The following PTPRN2 variants were observed in gnomAD, a reference collection of about 807,000 sequenced individuals.
PTPRN2 encodes protein tyrosine phosphatase receptor type N2.
In PTPRN2, 74 loss-of-function variants were observed where a neutral mutation model predicts 118.8. That is an observed-to-expected ratio of 0.62 (90% CI 0.52 to 0.76). The LOEUF (loss-of-function observed/expected upper bound fraction) is 0.76. Ranked by LOEUF, PTPRN2 falls within the 30% of genes least tolerant of loss-of-function variation. PTPRN2 has a pLI of 0.00. For missense variants in PTPRN2, 1,481 were observed against 1,394.4 expected (o/e 1.06, Z -0.99); for synonymous variants, 641 against 608.0 (o/e 1.05, Z -0.80).
At chr7:158,347,449 T>C (rs1563186035) in intron 2 of PTPRN2, among the ~76,000 whole-genome samples, 1 of 152,346 alleles carries the variant, frequency 6.6e-6, no homozygotes, top group East Asian at 1.9e-4. Context: ...GTTCCATTAG[T>C]TGATGTGTCT....
rs541432617 is a variant in PTPRN2, at chr7:158,557,628, C to T, written c.112+29930G>A. ...CTGAGAACAGGCCCCTCCTGGCCTA[C>T]GCTTTCTCATCATGTAGCTGTATTT... On this transcript the variant is annotated intron_variant, in intron 1 of 22. Coordinates refer to ENST00000389418, the MANE Select transcript of PTPRN2 (RefSeq NM_002847.5). Among the ~76,000 whole-genome samples the T allele has an allele frequency of 4.9e-4, 74 of 152,356 alleles. 1 individual carries two copies. Among genetic ancestry groups the T allele is most frequent in the Middle Eastern group, 6.8e-3 (2 of 294 alleles).
chr7:158,214,397 T>TACAC (rs144370539), intron 3 of PTPRN2, among the ~76,000 whole-genome samples: 23,473 of 145,648 alleles, frequency 0.16, 2,002 homozygotes, highest in Middle Eastern at 0.23. Flanking sequence ...CACCAGCGTG[T>TACAC]ACACACACAC....
intron 2 of PTPRN2, among the ~76,000 whole-genome samples, chr7:158,408,652 C>T (rs1813782218): frequency 6.6e-6 from 1 of 152,146 alleles, no homozygotes; most frequent in African/African-American, 2.4e-5. Context: ...AGGTAAATTG[C>T]ATAATATAAA....
Position 158,574,464 on chromosome 7 carries a change from G to A in PTPRN2, c.112+13094C>T, listed in dbSNP as rs1193205415. ...GGTAAATAAATGCACATTTCTGTTG[G>A]TGGCGCCATCAGACACTGAGACACT... On this transcript the variant is annotated intron_variant, in intron 1 of 22. Transcript: ENST00000389418. The surrounding 1 kb of genome is among the most constrained non-coding windows in gnomAD (Gnocchi z 4.6). Among the ~76,000 whole-genome samples, 1 of 152,110 alleles carries A rather than the reference G, an allele frequency of 6.6e-6. No homozygotes were observed. The highest frequency in any genetic ancestry group is 1.5e-5 in the Non-Finnish European group (1 of 68,038).
chr7:158,402,709 C>A (rs1813043782), intron 2 of PTPRN2, among the ~76,000 whole-genome samples: 1 of 152,198 alleles, frequency 6.6e-6, no homozygotes, highest in African/African-American at 2.4e-5. Flanking sequence ...AGCTGTCGTG[C>A]CTGCTCTCCG....
At chr7:158,162,851 C>G (rs578233950) in intron 6 of PTPRN2, among the ~76,000 whole-genome samples, 1 of 152,184 alleles carries the variant, frequency 6.6e-6, no homozygotes, top group South Asian at 2.1e-4. Flanking sequence ...GGAGCAGGTA[C>G]GCGTGGGTCT....
chr7:158,450,835 C>T (rs1027980779), intron 2 of PTPRN2, among the ~76,000 whole-genome samples: 1 of 152,230 alleles, frequency 6.6e-6, no homozygotes, highest in Non-Finnish European at 1.5e-5. Flanking sequence ...CCTGACCAGG[C>T]GTACGTGTGC....
intron 4 of PTPRN2, among the ~76,000 whole-genome samples, chr7:158,204,337 T>A (rs1826952984): frequency 6.6e-6 from 1 of 152,228 alleles, no homozygotes; most frequent in Admixed American, 6.5e-5. Context: ...TGGGGGACGG[T>A]TACCAGTTCT....
intron 22 of PTPRN2, among the ~76,000 whole-genome samples, chr7:157,544,939 C>T (rs1052824043): frequency 7.8e-6 from 1 of 128,268 alleles, no homozygotes; most frequent in Non-Finnish European, 1.7e-5. Flanking sequence ...TGGGTGTGTA[C>T]AGGTGGGTGT....
intron 3 of PTPRN2, among the ~76,000 whole-genome samples, chr7:158,274,481 C>T (rs1467920473): frequency 2.7e-5 from 3 of 113,086 alleles, no homozygotes; most frequent in South Asian, 2.8e-4. Flanking sequence ...AGGAGACACA[C>T]GAGGAGCCGC....
chr7:158,171,929 T>C (rs1448053579), intron 5 of PTPRN2, among the ~76,000 whole-genome samples: 1 of 152,200 alleles, frequency 6.6e-6, no homozygotes, highest in Non-Finnish European at 1.5e-5. Flanking sequence ...GTACAGGCGA[T>C]GGACATTCCT....
intron 12 of PTPRN2, among the ~76,000 whole-genome samples, chr7:157,805,154 G>C (rs1447931074): frequency 6.6e-6 from 1 of 152,196 alleles, no homozygotes; most frequent in Non-Finnish European, 1.5e-5. Context: ...GCAAATTCCA[G>C]TAAGCATTAA....
intron 12 of PTPRN2, among the ~76,000 whole-genome samples, chr7:157,821,865 G>T (rs1806862233): frequency 6.6e-6 from 1 of 152,100 alleles, no homozygotes; most frequent in Admixed American, 6.5e-5. Context: ...GACTAAGGGG[G>T]AGGAGGGACA....
chr7:158,500,142 G>A (rs550365777), intron 1 of PTPRN2, among the ~76,000 whole-genome samples: 14 of 151,612 alleles, frequency 9.2e-5, no homozygotes, highest in Middle Eastern at 3.4e-3. Context: ...AACACCACTC[G>A]CATTGTGGGT....
At chr7:158,318,404 G>A (rs147583961) in intron 2 of PTPRN2, among the ~76,000 whole-genome samples, 227 of 152,296 alleles carry the variant, frequency 1.5e-3, no homozygotes, top group African/African-American at 5.3e-3. Context: ...ACGTCGAGAC[G>A]GCCCAGCTCC....
rs147109445 is a variant in PTPRN2 at position 158,081,192 on chromosome 7, G to A, written c.1723+106C>T. 3.8e-4 allele frequency: 438 copies of A among 1,151,966 alleles called. 1 individual carries two copies. In the East Asian group the frequency reaches 8.7e-3, roughly 23 times the overall value. The allele number at this position is 1,151,966 out of a possible 1,614,324, so 71.4% of individuals were successfully genotyped here. A position where few individuals can be genotyped will look rare whatever the true frequency, so the allele number is the denominator to read the frequency against. On this transcript the variant is annotated intron_variant, in intron 11 of 22. Coordinates refer to ENST00000389418, the MANE Select transcript of PTPRN2 (RefSeq NM_002847.5). ...CCTTCCTCTGGGTTGCCCCATGTGG[G>A]TAGTGTGAGTCTCTCTCTGCCCTGG...
At chr7:158,393,410 C>T (rs114379827) in intron 2 of PTPRN2, among the ~76,000 whole-genome samples, 1,818 of 152,280 alleles carry the variant, frequency 0.012, 40 homozygotes, top group African/African-American at 0.041. Context: ...CTCTGGGAGA[C>T]GCCTTGCAGG....
At position 158,061,104 on chromosome 7, in the gene PTPRN2, G is replaced by A. The variant is rs201384314; in HGVS notation, c.1723+20194C>T. ...TGAGCCAGGCGGCTTTGTCCGTGTC[G>A]CTCAGCTGCCGGCTCACTGAAGGGT... On this transcript the variant is annotated intron_variant, in intron 11 of 22. Transcript: ENST00000389418. 2.7e-3 allele frequency among the ~76,000 whole-genome samples: 406 copies of A among 152,360 alleles called. 3 individuals carry two copies. Among genetic ancestry groups the A allele is most frequent in the African/African-American group, 8.8e-3 (365 of 41,588 alleles).
At position 158,007,228 on chromosome 7, in the gene PTPRN2, G is replaced by A. The variant is rs149257958; in HGVS notation, c.1723+74070C>T. ...GCCTTATGCGGCCCCGGGTGTTGGC[G>A]CTTCCCAGGTGAACTTGGGGAACAC... On this transcript the variant is annotated intron_variant, in intron 11 of 22. Transcript: ENST00000389418. 3.9e-4 allele frequency among the ~76,000 whole-genome samples: 59 copies of A among 152,288 alleles called. No individual in the cohort carries two copies. In the East Asian group the frequency reaches 9.8e-3, roughly 25 times the overall value.
Sources: allele counts gnomAD v4.1 joint callset (sites outside exome capture counted in the v4.1 genomes callset), GRCh38; gene constraint gnomAD v4.1.1; non-coding constraint Gnocchi (gnomAD v3.1); transcripts MANE v1.5; gene names NCBI Gene and HGNC (gene_info 2026-07-23, HGNC 2026-07-21).